Variants in NDUFAF6 observed in about 807,000 individuals in gnomAD.
NDUFAF6 encodes the protein NADH:ubiquinone oxidoreductase complex assembly factor 6, also known as NADH dehydrogenase (ubiquinone) complex I, assembly factor 6.
NDUFAF6 carries 45 observed loss-of-function variants against 40.8 expected under a neutral mutation model. The observed-to-expected ratio is 1.10, with a 90% CI of 0.87 to 1.42. The LOEUF (loss-of-function observed/expected upper bound fraction) is 1.42. NDUFAF6 is among the 40% of genes most tolerant of loss of function. The probability of loss-of-function intolerance (pLI) is 0.00; values close to 1 mark genes in which losing one functional copy is unlikely to be tolerated. For missense variants in NDUFAF6, 435 were observed against 418.5 expected (o/e 1.04, Z -0.34); for synonymous variants, 185 against 155.9 (o/e 1.19, Z -1.39).
intron 1 of NDUFAF6, among the ~76,000 whole-genome samples, chr8:94,963,734 A>G (rs1290210136): frequency 6.6e-6 from 1 of 152,180 alleles, no homozygotes; most frequent in African/African-American, 2.4e-5. Flanking sequence ...GTTGGCAAAT[A>G]CCCATGACAG....
At chr8:94,940,810 A>G (rs776950344) in intron 1 of NDUFAF6, 91 of 1,575,052 alleles carry the variant, frequency 5.8e-5, no homozygotes, top group African/African-American at 2.3e-4. Flanking sequence ...TGAACCACCA[A>G]GTAACCAAGT....
Position 95,058,360 on chromosome 8 carries a change from C to T in NDUFAF6, c.*423C>T. 1 of 1,235,700 alleles carries T rather than the reference C, an allele frequency of 8.1e-7. No homozygotes were observed. 76.5% of individuals were successfully genotyped at this position (1,235,700 alleles called of 1,614,324 possible). On this transcript the variant is annotated 3_prime_UTR_variant, in exon 9 of 9. Transcript: ENST00000396124. Reference sequence around the variant, plus strand: ...AGCTATAACCTAGGTGTTCAGAACACCTGGAAGATGCATTTATTTAGGGGT... The same window carrying T: ...AGCTATAACCTAGGTGTTCAGAACATCTGGAAGATGCATTTATTTAGGGGT...
At chr8:95,054,436 CT>C (rs59359540) in intron 8 of NDUFAF6, among the ~76,000 whole-genome samples, 112,606 of 132,162 alleles carry the variant, frequency 0.85, 48,248 homozygotes, top group East Asian at 0.99. Flanking sequence ...TCAGCTTCTG[CT>C]TTTTTTTTTT....
At chr8:95,077,624 C>T (rs1808676381), downstream of NDUFAF6, among the ~76,000 whole-genome samples, 1 of 152,102 alleles carries the variant, frequency 6.6e-6, no homozygotes, top group Admixed American at 6.5e-5. Flanking sequence ...TGCAGGTGAC[C>T]ATGGGTAACT....
chr8:94,910,520 A>C (rs545555698), intron 1 of NDUFAF6, among the ~76,000 whole-genome samples: 17 of 152,286 alleles, frequency 1.1e-4, no homozygotes, highest in Admixed American at 2.0e-4. Context: ...TCTTTCTCTG[A>C]TACCTCCTCG....
At chr8:94,912,142 A>G (rs1276255660) in intron 1 of NDUFAF6, among the ~76,000 whole-genome samples, 5 of 152,216 alleles carry the variant, frequency 3.3e-5, no homozygotes, top group African/African-American at 9.6e-5. Flanking sequence ...AGTGGTCTCT[A>G]TCCTACGAGG....
At chr8:95,114,486 G>A (rs977324092) in intron 4 of NDUFAF6, among the ~76,000 whole-genome samples, 6 of 152,232 alleles carry the variant, frequency 3.9e-5, no homozygotes, top group Non-Finnish European at 5.9e-5. Context: ...ACTGCCTATG[G>A]AGGTGTACTT....
chr8:94,936,765 C>T (rs1467519398), intron 1 of NDUFAF6, among the ~76,000 whole-genome samples: 1 of 152,152 alleles, frequency 6.6e-6, no homozygotes, highest in Non-Finnish European at 1.5e-5. Flanking sequence ...GTGACTGGGA[C>T]TGGAAGCAGA....
At position 95,025,220 on chromosome 8, in the gene NDUFAF6, C is replaced by T; in HGVS notation, c.197+15C>T. 3 of 1,400,420 alleles carry T rather than the reference C, an allele frequency of 2.1e-6. No individual in the cohort carries two copies. Among genetic ancestry groups the T allele is most frequent in the Non-Finnish European group, 2.8e-6 (3 of 1,088,036 alleles). 86.7% of individuals were successfully genotyped at this position (1,400,420 alleles called of 1,614,324 possible). A position where few individuals can be genotyped will look rare whatever the true frequency, so the allele number is the denominator to read the frequency against. ...GAGCTGCTGCGGTGAGCGAGCACGA[C>T]CTTCCCTGGCGCGGCGGGAAGCGGG... On this transcript the variant is annotated intron_variant, in intron 1 of 8. Coordinates refer to ENST00000396124, the MANE Select transcript of NDUFAF6 (RefSeq NM_152416.4).
At chr8:94,902,051 A>G (rs984211674) in intron 1 of NDUFAF6, among the ~76,000 whole-genome samples, 8 of 152,234 alleles carry the variant, frequency 5.3e-5, no homozygotes, top group African/African-American at 7.2e-5. Flanking sequence ...GTGCATTTCA[A>G]AAAGAAAAAA....
rs918683230 is a variant in NDUFAF6, at chr8:94,948,840, G to A, written c.-799+3221G>A. On this transcript the variant is annotated intron_variant, in intron 2 of 14. Transcript: ENST00000396113. ...AAACAAGCCACGCTCGGGGGAGGAG[G>A]CAGAGACCAAACTCCCAACCGCCGC... is the stretch of plus-strand genomic sequence containing the variant. Among the ~76,000 whole-genome samples, 4 of 152,168 alleles carry A rather than the reference G, an allele frequency of 2.6e-5. No individual in the cohort carries two copies. The East Asian group carries it at 5.8e-4, about 22-fold the overall frequency.
At chr8:94,917,534 G>A (rs1025123312) in intron 1 of NDUFAF6, among the ~76,000 whole-genome samples, 2 of 152,136 alleles carry the variant, frequency 1.3e-5, no homozygotes, top group East Asian at 1.9e-4. Flanking sequence ...TAATGATCAG[G>A]TGGTTGAATT....
chr8:95,117,465 T>G (rs190757018), downstream of NDUFAF6, among the ~76,000 whole-genome samples: 4 of 152,320 alleles, frequency 2.6e-5, no homozygotes, highest in Admixed American at 2.6e-4. Flanking sequence ...TTTTTTTGTG[T>G]GTGTGGTTGT....
upstream of NDUFAF6, among the ~76,000 whole-genome samples, chr8:94,953,085 C>T (rs1453489477): frequency 6.6e-6 from 1 of 152,176 alleles, no homozygotes; most frequent in African/African-American, 2.4e-5. Flanking sequence ...CGGTGGCTTA[C>T]GCCTGTAATC....
At chr8:94,969,768 G>T (rs1289298819) in intron 1 of NDUFAF6, among the ~76,000 whole-genome samples, 2 of 152,070 alleles carry the variant, frequency 1.3e-5, no homozygotes, top group African/African-American at 4.8e-5. Flanking sequence ...GAGGTAAATT[G>T]TTTTCAGTAA....
chr8:94,938,797 A>C (rs916489830), intron 1 of NDUFAF6, among the ~76,000 whole-genome samples: 1 of 152,212 alleles, frequency 6.6e-6, no homozygotes, highest in Non-Finnish European at 1.5e-5. Context: ...TGTTCCCCCA[A>C]GTTCTATAAG....
At chr8:95,067,260 C>T (rs909215380) in intron 9 of NDUFAF6, 5 of 152,076 alleles carry the variant, frequency 3.3e-5, no homozygotes, top group African/African-American at 9.7e-5. Flanking sequence ...AACTGTGTAC[C>T]TAGACAGAGA....
chr8:95,104,516 G>A (rs982794515), downstream of NDUFAF6, among the ~76,000 whole-genome samples: 5 of 152,124 alleles, frequency 3.3e-5, no homozygotes, highest in African/African-American at 1.2e-4. Context: ...TAAACACAAA[G>A]GTACTGACTT....
intron 1 of NDUFAF6, among the ~76,000 whole-genome samples, chr8:94,942,056 G>A (rs556666151): frequency 9.8e-4 from 147 of 150,660 alleles, no homozygotes; most frequent in Middle Eastern, 3.4e-3. Flanking sequence ...TTTTTGAGAC[G>A]GAGTCTTTGT....
Sources: gnomAD v4.1 joint callset for allele counts (sites outside exome capture counted in the v4.1 genomes callset) on GRCh38, gnomAD v4.1.1 for gene constraint, MANE v1.5 for transcripts, NCBI Gene and HGNC (gene_info 2026-07-23, HGNC 2026-07-21) for gene names.